Variants in EML1 observed in about 807,000 individuals in gnomAD.
The protein encoded by EML1 is echinoderm microtubule-associated protein-like 1.
A neutral mutation model predicts 110.4 loss-of-function variants in EML1; 27 were observed. The observed-to-expected ratio is 0.24, with a 90% CI of 0.18 to 0.34. The LOEUF is 0.34. Ranked by LOEUF, EML1 falls within the 10% of genes least tolerant of loss-of-function variation. The pLI, the probability that EML1 is intolerant of heterozygous loss-of-function variation, is 1.00. For missense variants in EML1, 741 were observed against 1,030.9 expected (o/e 0.72, Z 3.85); for synonymous variants, 344 against 385.8 (o/e 0.89, Z 1.27).
Position 99,865,586 on chromosome 14 carries a change from C to T in EML1, c.323C>T (p.Thr108Ile), listed in dbSNP as rs773164346. The T allele has an allele frequency of 6.2e-7, 1 of 1,614,250 alleles. No individual in the cohort carries two copies. The highest frequency in any genetic ancestry group is 8.5e-7 in the Non-Finnish European group (1 of 1,180,038). ...NNGTVLPKKPTGSLPSPSGVR... is the reference protein window; with the variant it reads ...NNGTVLPKKPIGSLPSPSGVR... ...GGCACTGTGTTACCAAAGAAACCTA[C>T]TGGCTCTCTACCATCCCCCTCCGGG... The change falls in exon 3 of 22, where the codon ACT (threonine) becomes ATT (isoleucine). Residue 108 changes from threonine (T) to isoleucine (I), a missense_variant. Transcript: ENST00000262233.
At chr14:99,921,087 C>G (rs1286424725) in intron 17 of EML1, among the ~76,000 whole-genome samples, 1 of 151,792 alleles carries the variant, frequency 6.6e-6, no homozygotes, top group Non-Finnish European at 1.5e-5. Context: ...CCCCCTCCAA[C>G]AGGCCCCAGT....
intron 1 of EML1, chr14:99,774,081 C>G (rs1256237262): frequency 3.3e-5 from 5 of 152,224 alleles, no homozygotes; most frequent in Non-Finnish European, 5.9e-5. Context: ...GGGACAAGGG[C>G]GGGGGGCCTC....
At chr14:99,871,362 G>A (rs2059200548) in intron 3 of EML1, among the ~76,000 whole-genome samples, 1 of 152,028 alleles carries the variant, frequency 6.6e-6, no homozygotes, top group Non-Finnish European at 1.5e-5. Flanking sequence ...AAGAACATTT[G>A]TGGGGCCAAG....
At chr14:99,852,609 C>T (rs1014825842) in intron 2 of EML1, among the ~76,000 whole-genome samples, 1 of 152,124 alleles carries the variant, frequency 6.6e-6, no homozygotes, top group Non-Finnish European at 1.5e-5. Context: ...CATCTCAAAA[C>T]AAAAACAAAC....
rs997159189 is a variant in EML1 at position 99,936,516 on chromosome 14, C to T, written c.2095+182C>T. 4.6e-5 allele frequency among the ~76,000 whole-genome samples: 7 copies of T among 152,190 alleles called. No homozygotes were observed. Among genetic ancestry groups the T allele is most frequent in the East Asian group, 1.9e-4 (1 of 5,162 alleles). On this transcript the variant is annotated intron_variant, in intron 19 of 21. Transcript: ENST00000262233. The surrounding 1 kb of genome is among the most constrained non-coding windows in gnomAD (Gnocchi z 5.5). Reference sequence around the variant, plus strand: ...GCTGCGTGGCTTCTTGGGTCCTTCCCGGTTTCCTGCTGACTGTGAGCCCCT... The same window carrying T: ...GCTGCGTGGCTTCTTGGGTCCTTCCTGGTTTCCTGCTGACTGTGAGCCCCT...
intron 17 of EML1, among the ~76,000 whole-genome samples, chr14:99,931,940 G>A (rs565078150): frequency 6.0e-4 from 92 of 152,232 alleles, no homozygotes; most frequent in Middle Eastern, 3.4e-3. Context: ...TGGTTATGTC[G>A]GGGGCCAGGG....
At chr14:99,767,659 T>G (rs991507285) in intron 1 of EML1, among the ~76,000 whole-genome samples, 1 of 151,978 alleles carries the variant, frequency 6.6e-6, no homozygotes, top group African/African-American at 2.4e-5. Context: ...CTCTGTGGGA[T>G]CCTTTGAAAA....
At chr14:99,826,213 A>G in intron 1 of EML1, among the ~76,000 whole-genome samples, 1 of 149,638 alleles carries the variant, frequency 6.7e-6, no homozygotes, top group Admixed American at 6.7e-5. Context: ...CCCAGGTTCA[A>G]GCAATTCTCC....
chr14:99,809,678 T>G (rs1439420199), intron 1 of EML1: 1 of 455,972 alleles, frequency 2.2e-6, no homozygotes, highest in Non-Finnish European at 4.4e-6. Flanking sequence ...AACCCAGATG[T>G]TTTTTGGTAA....
intron 1 of EML1, among the ~76,000 whole-genome samples, chr14:99,814,771 G>C: frequency 6.6e-6 from 1 of 152,178 alleles, no homozygotes; most frequent in South Asian, 2.1e-4. Flanking sequence ...ACATCTTCCT[G>C]GGCCACAGAC....
intron 1 of EML1, among the ~76,000 whole-genome samples, chr14:99,739,117 AGAGTGTGT>A (rs2057009802): frequency 3.1e-5 from 2 of 64,108 alleles, no homozygotes. Context: ...AGAGAGAGAG[AGAGTGTGT>A]GTGTGTGTGT....
chr14:99,856,241 A>G (rs902907209), intron 2 of EML1, among the ~76,000 whole-genome samples: 6 of 152,220 alleles, frequency 3.9e-5, no homozygotes, highest in Non-Finnish European at 8.8e-5. Context: ...CTCACTGTGC[A>G]TGCCTCTAGC....
chr14:99,738,715 T>A (rs995822958), intron 1 of EML1, among the ~76,000 whole-genome samples: 3 of 152,134 alleles, frequency 2.0e-5, no homozygotes, highest in Admixed American at 1.3e-4. Context: ...ATTTATGATA[T>A]TGTGTGAAAG....
rs916431672 is a variant in EML1 at position 99,940,238 on chromosome 14, C to T, written c.*126C>T. On this transcript the variant is annotated 3_prime_UTR_variant, in exon 22 of 22. Transcript: ENST00000262233. ...AACCTCAGGAAAACTGTGCCCTCCGCCGGCTACCTTAGCTTAGCGTGTCAG... is the reference window on the plus strand; with the variant it reads ...AACCTCAGGAAAACTGTGCCCTCCGTCGGCTACCTTAGCTTAGCGTGTCAG... The T allele has an allele frequency of 8.5e-6, 11 of 1,301,330 alleles. No individual in the cohort carries two copies. Among genetic ancestry groups the T allele is most frequent in the Middle Eastern group, 2.3e-4 (1 of 4,442 alleles). 80.6% of individuals were successfully genotyped at this position (1,301,330 alleles called of 1,614,324 possible). A position where few individuals can be genotyped will look rare whatever the true frequency, so the allele number is the denominator to read the frequency against.
At chr14:99,901,418 C>T (rs2059761765) in intron 9 of EML1, among the ~76,000 whole-genome samples, 1 of 152,192 alleles carries the variant, frequency 6.6e-6, no homozygotes, top group African/African-American at 2.4e-5. Flanking sequence ...CCGATCCAGA[C>T]CCCAAGGGAG....
chr14:99,814,224 T>C (rs2058129539), intron 1 of EML1, among the ~76,000 whole-genome samples: 2 of 152,268 alleles, frequency 1.3e-5, no homozygotes, highest in South Asian at 2.1e-4. Flanking sequence ...AAAAGAGACA[T>C]TGAAAACCAG....
chr14:99,881,286 C>A (rs781771584), intron 4 of EML1, among the ~76,000 whole-genome samples: 27 of 152,208 alleles, frequency 1.8e-4, no homozygotes, highest in Non-Finnish European at 3.2e-4. Flanking sequence ...CTTTAACTTG[C>A]AGCCACAACA....
At chr14:99,907,875 C>G (rs1395484236) in intron 10 of EML1, 142 bp downstream of exon 10, 2 of 689,056 alleles carry the variant, frequency 2.9e-6, no homozygotes, top group East Asian at 2.8e-5. Context: ...CGTTTGGCCC[C>G]GATCCCTGTC....
intron 1 of EML1, among the ~76,000 whole-genome samples, chr14:99,756,385 C>G (rs1400869940): frequency 6.6e-6 from 1 of 152,220 alleles, no homozygotes; most frequent in African/African-American, 2.4e-5. Context: ...AGCAAGGCCA[C>G]TCCGGCCTAT....
Sources: allele counts gnomAD v4.1 joint callset (sites outside exome capture counted in the v4.1 genomes callset), GRCh38; gene constraint gnomAD v4.1.1; non-coding constraint Gnocchi (gnomAD v3.1); transcripts MANE v1.5; gene names NCBI Gene and HGNC (gene_info 2026-07-23, HGNC 2026-07-21).